Variants in ERGIC1 observed in about 807,000 individuals in gnomAD.
The protein encoded by ERGIC1 is endoplasmic reticulum-Golgi intermediate compartment protein 1.
Under a neutral mutation model 38.3 loss-of-function variants are expected in ERGIC1, and 19 were observed. The observed-to-expected ratio is 0.50, with a 90% CI of 0.35 to 0.73. The LOEUF is 0.73. ERGIC1 is among the 30% of genes least tolerant of loss of function. ERGIC1 has a pLI of 0.01. For synonymous variants in ERGIC1, 124 were observed against 157.6 expected, an observed-to-expected ratio of 0.79 and a Z score of 1.60; for missense variants, 294 against 389.2, an observed-to-expected ratio of 0.76 and a Z score of 2.06.
chr5:172,920,158 C>A (rs914914586), intron 5 of ERGIC1, among the ~76,000 whole-genome samples: 5 of 152,136 alleles, frequency 3.3e-5, no homozygotes, highest in African/African-American at 9.7e-5. Flanking sequence ...CCTAGGGCAC[C>A]CTCTGCCCCA....
chr5:172,905,330 G>T (rs932036426), intron 3 of ERGIC1: 18 of 385,004 alleles, frequency 4.7e-5, no homozygotes, highest in African/African-American at 2.7e-4. Flanking sequence ...TACAGCTGGG[G>T]TAGAAATTGG....
At chr5:172,855,109 T>C (rs766799258) in intron 1 of ERGIC1, among the ~76,000 whole-genome samples, 1 of 152,136 alleles carries the variant, frequency 6.6e-6, no homozygotes, top group Non-Finnish European at 1.5e-5. Flanking sequence ...CAACGGACAG[T>C]GGTGGATGTG....
intron 1 of ERGIC1, chr5:172,867,484 A>G (rs6865805): frequency 7.0e-6 from 3 of 426,804 alleles, no homozygotes; most frequent in African/African-American, 4.1e-5. Context: ...GGCCTTGGCC[A>G]CTGCCTCAGT....
At chr5:172,899,646 G>C (rs868739671) in intron 3 of ERGIC1, among the ~76,000 whole-genome samples, 2 of 152,066 alleles carry the variant, frequency 1.3e-5, no homozygotes, top group Non-Finnish European at 2.9e-5. Context: ...TGATGAGCTC[G>C]TGGAGCCCAG....
chr5:172,900,595 A>G (rs1333093493), intron 3 of ERGIC1, among the ~76,000 whole-genome samples: 3 of 152,092 alleles, frequency 2.0e-5, no homozygotes, highest in Admixed American at 1.3e-4. Context: ...CTGTAGTCCC[A>G]GCTACTTGGG....
intron 1 of ERGIC1, among the ~76,000 whole-genome samples, chr5:172,835,811 G>A (rs188166922): frequency 6.6e-6 from 1 of 152,176 alleles, no homozygotes; most frequent in East Asian, 1.9e-4. Context: ...CCGGCTTCTT[G>A]CCCCTGCCGG....
chr5:172,937,657 G>A (rs1763916237), intron 9 of ERGIC1: 1 of 151,854 alleles, frequency 6.6e-6, no homozygotes, highest in Non-Finnish European at 1.5e-5. Flanking sequence ...GCAACAGTGA[G>A]ACCCGGTCTC....
At chr5:172,934,852 C>T (rs573172206) in intron 8 of ERGIC1, 6 of 328,386 alleles carry the variant, frequency 1.8e-5, no homozygotes, top group East Asian at 6.5e-5. Flanking sequence ...GAATGGATTT[C>T]GCGTGGCCCA....
At chr5:172,853,384 G>A (rs1761461729) in intron 1 of ERGIC1, among the ~76,000 whole-genome samples, 1 of 152,174 alleles carries the variant, frequency 6.6e-6, no homozygotes, top group South Asian at 2.1e-4. Flanking sequence ...TGGAGGAGCT[G>A]GTCAGGCCAC....
chr5:172,938,869 C>T (rs966445513), intron 9 of ERGIC1, among the ~76,000 whole-genome samples: 3 of 152,088 alleles, frequency 2.0e-5, no homozygotes, highest in Non-Finnish European at 4.4e-5. Flanking sequence ...TGAGACCAGC[C>T]TGACCAACAT....
chr5:172,914,250 AAAAAAAAT>A (rs869273571), intron 4 of ERGIC1, among the ~76,000 whole-genome samples: 23 of 100,648 alleles, frequency 2.3e-4, no homozygotes, highest in Non-Finnish European at 1.8e-4. Flanking sequence ...AAAAAAAAAA[AAAAAAAAT>A]ACAAAGACTA....
At chr5:172,920,926 A>G (rs1327716664) in intron 5 of ERGIC1, among the ~76,000 whole-genome samples, 1 of 152,226 alleles carries the variant, frequency 6.6e-6, no homozygotes, top group Non-Finnish European at 1.5e-5. Flanking sequence ...TATCATGAAA[A>G]TGTACCCAGG....
In ERGIC1 at chr5:172,852,020, C is replaced by G. The variant is rs140565753; in HGVS notation, c.20+17587C>G. On this transcript the variant is annotated intron_variant, in intron 1 of 9. Coordinates refer to ENST00000393784, the MANE Select transcript of ERGIC1 (RefSeq NM_001031711.3). ...AGAGACAGGCCTGTGTCTGGAAATC[C>G]CAGGCAGGGACTCTGACGGTGATCA... Among the ~76,000 whole-genome samples the G allele has an allele frequency of 2.4e-3, 367 of 152,104 alleles. 2 individuals are homozygous for G. The highest frequency in any genetic ancestry group is 8.4e-3 in the African/African-American group (350 of 41,472).
intron 1 of ERGIC1, among the ~76,000 whole-genome samples, chr5:172,861,174 A>G (rs542011903): frequency 1.3e-3 from 199 of 152,262 alleles, no homozygotes; most frequent in Non-Finnish European, 2.4e-3. Flanking sequence ...CTGCTGACAC[A>G]GGCCAGCCAC....
intron 1 of ERGIC1, among the ~76,000 whole-genome samples, chr5:172,882,505 C>T (rs1039035841): frequency 2.0e-5 from 3 of 152,102 alleles, no homozygotes; most frequent in Non-Finnish European, 4.4e-5. Context: ...AGGACCATGC[C>T]CTGTGGACTC....
intron 3 of ERGIC1, among the ~76,000 whole-genome samples, chr5:172,900,660 T>C (rs748844214): frequency 3.3e-5 from 5 of 150,218 alleles, no homozygotes; most frequent in Non-Finnish European, 5.9e-5. Context: ...CAGTGAGCCA[T>C]GATTGCACCA....
intron 2 of ERGIC1, among the ~76,000 whole-genome samples, chr5:172,891,803 T>A (rs901148467): frequency 6.6e-6 from 1 of 152,218 alleles, no homozygotes; most frequent in African/African-American, 2.4e-5. Context: ...CTCTGCACAC[T>A]GTTCTTCCCC....
intron 8 of ERGIC1, chr5:172,934,945 G>T: frequency 1.9e-6 from 1 of 537,258 alleles, no homozygotes; most frequent in Admixed American, 3.1e-5. Context: ...TTCTGGTGCT[G>T]CTTGCAGCTC....
At chr5:172,944,797 A>G (rs918379356) in intron 9 of ERGIC1, among the ~76,000 whole-genome samples, 21 of 152,198 alleles carry the variant, frequency 1.4e-4, no homozygotes, top group African/African-American at 5.1e-4. Context: ...TTCCAGGTGC[A>G]GGGTCTCCAG....
Sources: allele counts gnomAD v4.1 joint callset (sites outside exome capture counted in the v4.1 genomes callset), GRCh38; gene constraint gnomAD v4.1.1; transcripts MANE v1.5; gene names NCBI Gene and HGNC (gene_info 2026-07-23, HGNC 2026-07-21).